The following PTN variants were observed in gnomAD, a reference collection of about 807,000 sequenced individuals.
PTN encodes the protein heparin affin regulatory protein.
PTN carries 18 observed loss-of-function variants against 24.1 expected under a neutral mutation model. The ratio of observed to expected loss-of-function variants is 0.75; its 90% CI spans 0.52 to 1.11. The LOEUF is 1.11. Ranked by LOEUF, PTN falls within the 50% of genes least tolerant of loss-of-function variation. The pLI is 0.00. For missense variants in PTN, 163 were observed against 198.8 expected (o/e 0.82, Z 1.08); for synonymous variants, 78 against 68.6 (o/e 1.14, Z -0.67).
At position 137,228,312 on chromosome 7, in the gene PTN, G is replaced by A. The variant is rs529409782; in HGVS notation, c.452-237C>T. On this transcript the variant is annotated intron_variant, in intron 4 of 4. Coordinates refer to ENST00000348225, the MANE Select transcript of PTN (RefSeq NM_002825.7). ...AAAGAGTGCCTGTGAGAGTGGGCAG[G>A]AGGAACATAGCCTGCTTCTGTGTTA... is the stretch of plus-strand genomic sequence containing the variant. Among the ~76,000 whole-genome samples, 8 of 151,836 alleles carry A rather than the reference G, an allele frequency of 5.3e-5. No homozygotes were observed. The East Asian group carries it at 1.6e-3, about 30-fold the overall frequency.
At chr7:137,277,867 G>C (rs1249099322) in intron 1 of PTN, among the ~76,000 whole-genome samples, 1 of 142,452 alleles carries the variant, frequency 7.0e-6, no homozygotes, top group Non-Finnish European at 1.5e-5. Flanking sequence ...ACCATGCCCA[G>C]CCAAAAAATA....
At chr7:137,331,971 AGTGCTGGCTC>A (rs1810366315) in intron 1 of PTN, among the ~76,000 whole-genome samples, 1 of 152,196 alleles carries the variant, frequency 6.6e-6, no homozygotes, top group African/African-American at 2.4e-5. Context: ...GCATTTTCCC[AGTGCTGGCTC>A]TTTTATGAGC....
intron 1 of PTN, among the ~76,000 whole-genome samples, chr7:137,329,710 A>G (rs1041678538): frequency 6.6e-6 from 1 of 152,192 alleles, no homozygotes; most frequent in Non-Finnish European, 1.5e-5. Context: ...GAAAGTAGTA[A>G]AATGTTACTC....
chr7:137,258,875 A>G (rs1808982756), intron 1 of PTN, among the ~76,000 whole-genome samples: 1 of 152,134 alleles, frequency 6.6e-6, no homozygotes, highest in Admixed American at 6.6e-5. Context: ...TATGGATTCT[A>G]AGGAAGTGAT....
chr7:137,302,568 G>A (rs1026317970), intron 1 of PTN, among the ~76,000 whole-genome samples: 1 of 151,938 alleles, frequency 6.6e-6, no homozygotes, highest in African/African-American at 2.4e-5. Flanking sequence ...GGAACTATCA[G>A]TGCCCTCGTC....
chr7:137,335,926 C>T (rs948918665), intron 1 of PTN, among the ~76,000 whole-genome samples: 3 of 126,528 alleles, frequency 2.4e-5, no homozygotes, highest in South Asian at 2.7e-4. Flanking sequence ...GATGTCTTCT[C>T]GCTTTTTTTT....
At chr7:137,314,127 T>C (rs1280427130) in intron 1 of PTN, among the ~76,000 whole-genome samples, 1 of 152,054 alleles carries the variant, frequency 6.6e-6, no homozygotes, top group Admixed American at 6.6e-5. Context: ...CAGAAGAAAA[T>C]ATCTATTTTT....
intron 1 of PTN, among the ~76,000 whole-genome samples, chr7:137,306,837 T>C (rs540774566): frequency 3.7e-4 from 56 of 152,240 alleles, no homozygotes; most frequent in African/African-American, 1.3e-3. Context: ...AGCAACCTAT[T>C]ATTAGGTAGC....
chr7:137,335,928 CTTTTT>C (rs35429933), intron 1 of PTN, among the ~76,000 whole-genome samples: 13 of 141,914 alleles, frequency 9.2e-5, no homozygotes, highest in Non-Finnish European at 1.4e-4. Flanking sequence ...TGTCTTCTCG[CTTTTT>C]TTTTTTTTTT....
At chr7:137,261,600 G>A (rs78913041) in intron 1 of PTN, among the ~76,000 whole-genome samples, 2,528 of 152,224 alleles carry the variant, frequency 0.017, 35 homozygotes, top group Non-Finnish European at 0.023. Context: ...CTGAGAAAAG[G>A]TAAATAAATA....
At chr7:137,240,183 A>T (rs75562025) in intron 4 of PTN, among the ~76,000 whole-genome samples, 1 of 152,042 alleles carries the variant, frequency 6.6e-6, no homozygotes, top group Non-Finnish European at 1.5e-5. Flanking sequence ...TGATTTAATT[A>T]TTATTTATTT....
At chr7:137,274,365 AT>A (rs1003722356) in intron 1 of PTN, among the ~76,000 whole-genome samples, 12 of 151,880 alleles carry the variant, frequency 7.9e-5, no homozygotes, top group Admixed American at 2.6e-4. Context: ...ACAGAACAGT[AT>A]TTTTTTTTAT....
intron 1 of PTN, among the ~76,000 whole-genome samples, chr7:137,256,068 ATTC>A (rs1318390212): frequency 2.0e-5 from 3 of 152,190 alleles, no homozygotes; most frequent in Non-Finnish European, 4.4e-5. Flanking sequence ...GGTTGAGATT[ATTC>A]TTTTCTCTAA....
intron 1 of PTN, among the ~76,000 whole-genome samples, chr7:137,295,272 A>T (rs1160559685): frequency 6.6e-6 from 1 of 152,162 alleles, no homozygotes; most frequent in Admixed American, 6.5e-5. Flanking sequence ...AGTATAGTAG[A>T]TATTATTCAA....
intron 1 of PTN, among the ~76,000 whole-genome samples, chr7:137,319,627 A>G (rs1461396006): frequency 2.6e-5 from 4 of 152,162 alleles, no homozygotes; most frequent in African/African-American, 9.7e-5. Flanking sequence ...TTTGTTTTCC[A>G]TTTTATCAGG....
intron 1 of PTN, among the ~76,000 whole-genome samples, chr7:137,260,441 ATATAG>A (rs1415999303): frequency 6.6e-6 from 1 of 152,102 alleles, no homozygotes; most frequent in Non-Finnish European, 1.5e-5. Context: ...AAAGTAACTC[ATATAG>A]TAATTATTTA....
chr7:137,335,928 CTTTTTT>C (rs35429933), intron 1 of PTN, among the ~76,000 whole-genome samples: 1 of 141,894 alleles, frequency 7.0e-6, no homozygotes, highest in Non-Finnish European at 1.5e-5. Flanking sequence ...TGTCTTCTCG[CTTTTTT>C]TTTTTTTTTT....
intron 1 of PTN, among the ~76,000 whole-genome samples, chr7:137,319,131 G>A (rs1049208410): frequency 6.6e-6 from 1 of 152,100 alleles, no homozygotes; most frequent in Non-Finnish European, 1.5e-5. Context: ...CTTGAGTTCT[G>A]GAGTAATAGG....
intron 1 of PTN, among the ~76,000 whole-genome samples, chr7:137,279,128 A>G: frequency 1.3e-5 from 2 of 151,932 alleles, no homozygotes; most frequent in Middle Eastern, 3.4e-3. Context: ...ATATACCAAT[A>G]TCCTAATAAA....
Sources: gnomAD v4.1 joint callset for allele counts (sites outside exome capture counted in the v4.1 genomes callset) on GRCh38, gnomAD v4.1.1 for gene constraint, MANE v1.5 for transcripts, NCBI Gene and HGNC (gene_info 2026-07-23, HGNC 2026-07-21) for gene names.